The following GRIN2A variants were observed in gnomAD, a reference collection of about 807,000 sequenced individuals.
GRIN2A encodes the protein glutamate receptor ionotropic, NMDA 2A.
A neutral mutation model predicts 113.4 loss-of-function variants in GRIN2A; 22 were observed. The ratio of observed to expected loss-of-function variants is 0.19; its 90% CI spans 0.14 to 0.28. The LOEUF (loss-of-function observed/expected upper bound fraction) is 0.28. Among genes scored for constraint, GRIN2A ranks in the 10% least tolerant of loss-of-function variants. The probability of loss-of-function intolerance (pLI) is 1.00; values close to 1 mark genes in which losing one functional copy is unlikely to be tolerated. For synonymous variants in GRIN2A, 827 were observed against 738.4 expected, an observed-to-expected ratio of 1.12 and a Z score of -1.94; for missense variants, 1,502 against 1,887.0, an observed-to-expected ratio of 0.80 and a Z score of 3.78.
intron 10 of GRIN2A, among the ~76,000 whole-genome samples, chr16:9,809,790 G>A (rs1466101096): frequency 2.0e-5 from 3 of 152,180 alleles, no homozygotes; most frequent in Non-Finnish European, 2.9e-5. Context: ...TGCTGGGGCC[G>A]GGTGTGGTGG....
intron 3 of GRIN2A, among the ~76,000 whole-genome samples, chr16:9,894,653 C>T (rs993162629): frequency 4.6e-5 from 7 of 151,456 alleles, no homozygotes; most frequent in African/African-American, 1.7e-4. Flanking sequence ...TTCAAAGTAA[C>T]TAATTGAGCC....
chr16:9,992,201 A>G (rs1303099204), intron 2 of GRIN2A, among the ~76,000 whole-genome samples: 1 of 152,212 alleles, frequency 6.6e-6, no homozygotes, highest in South Asian at 2.1e-4. Flanking sequence ...TGATCCGTTC[A>G]TGGACACTTG....
intron 2 of GRIN2A, among the ~76,000 whole-genome samples, chr16:10,025,142 G>A (rs944181086): frequency 2.0e-5 from 3 of 151,940 alleles, no homozygotes; most frequent in African/African-American, 7.3e-5. Context: ...ATTGAAAGAG[G>A]TGGCAGAGAG....
At chr16:10,127,381 C>A (rs752242984) in intron 2 of GRIN2A, among the ~76,000 whole-genome samples, 1 of 152,178 alleles carries the variant, frequency 6.6e-6, no homozygotes, top group Admixed American at 6.5e-5. Context: ...CACTCAACCT[C>A]TGCATGTGAT....
intron 2 of GRIN2A, among the ~76,000 whole-genome samples, chr16:9,985,061 G>A (rs117383958): frequency 7.9e-5 from 12 of 152,090 alleles, no homozygotes; most frequent in East Asian, 7.7e-4. Context: ...CACACACCGA[G>A]TAACTTGATT....
intron 2 of GRIN2A, among the ~76,000 whole-genome samples, chr16:10,093,108 T>C (rs1189652843): frequency 6.6e-6 from 1 of 152,126 alleles, no homozygotes; most frequent in South Asian, 2.1e-4. Context: ...CAAAGTGCTC[T>C]GATTACAGGC....
At chr16:9,769,562 C>G (rs1351293500) in intron 11 of GRIN2A, among the ~76,000 whole-genome samples, 2 of 149,854 alleles carry the variant, frequency 1.3e-5, no homozygotes, top group Non-Finnish European at 3.0e-5. Context: ...AATAAAAGGG[C>G]AGAACGTGAC....
At chr16:9,787,253 C>A (rs1034309703) in intron 11 of GRIN2A, among the ~76,000 whole-genome samples, 2 of 152,144 alleles carry the variant, frequency 1.3e-5, no homozygotes, top group African/African-American at 4.8e-5. Context: ...AGGCTTCATG[C>A]ACATAAGAAC....
At chr16:10,020,348 T>C (rs2046696850) in intron 2 of GRIN2A, among the ~76,000 whole-genome samples, 1 of 152,206 alleles carries the variant, frequency 6.6e-6, no homozygotes, top group South Asian at 2.1e-4. Context: ...AGTTTCTTCA[T>C]CTGGAGAATG....
At chr16:9,878,082 A>G (rs2043407361) in intron 4 of GRIN2A, among the ~76,000 whole-genome samples, 1 of 152,092 alleles carries the variant, frequency 6.6e-6, no homozygotes, top group Non-Finnish European at 1.5e-5. Flanking sequence ...TTCATAATTG[A>G]TGGCAATGGA....
intron 2 of GRIN2A, among the ~76,000 whole-genome samples, chr16:9,954,308 A>G (rs1420306078): frequency 1.3e-5 from 2 of 152,176 alleles, no homozygotes; most frequent in Non-Finnish European, 2.9e-5. Context: ...TGTTCCCCAG[A>G]GAACAAAAAG....
At chr16:9,840,613 T>G in intron 7 of GRIN2A, 34 bp downstream of exon 7, 1 of 1,595,406 alleles carries the variant, frequency 6.3e-7, no homozygotes, top group Non-Finnish European at 8.6e-7. Flanking sequence ...CAATTCCTTA[T>G]AGGAAAGCAA....
chr16:10,069,274 G>A (rs1342056800), intron 2 of GRIN2A, among the ~76,000 whole-genome samples: 1 of 152,234 alleles, frequency 6.6e-6, no homozygotes, highest in Non-Finnish European at 1.5e-5. Context: ...ACATTTGAAG[G>A]AGAATAATTA....
chr16:9,790,015 G>T (rs887882939), intron 11 of GRIN2A, among the ~76,000 whole-genome samples: 2 of 152,216 alleles, frequency 1.3e-5, no homozygotes, highest in Admixed American at 6.5e-5. Context: ...CCATTAGCAT[G>T]CAGTCTTGCC....
At chr16:10,061,153 T>G (rs2047544960) in intron 2 of GRIN2A, among the ~76,000 whole-genome samples, 1 of 152,164 alleles carries the variant, frequency 6.6e-6, no homozygotes, top group African/African-American at 2.4e-5. Context: ...CTTATTCTTG[T>G]TTCCTGCTTT....
At chr16:9,993,767 C>T (rs933592560) in intron 2 of GRIN2A, among the ~76,000 whole-genome samples, 3 of 152,084 alleles carry the variant, frequency 2.0e-5, no homozygotes, top group Admixed American at 6.5e-5. Context: ...CTAAATCTGC[C>T]CCTAACTCCA....
chr16:9,798,523 G>A, intron 10 of GRIN2A, 59 bp from the exon 11 acceptor site: 1 of 1,311,886 alleles, frequency 7.6e-7, no homozygotes, highest in Non-Finnish European at 1.1e-6. Context: ...TCGGGGTCCA[G>A]CTCCTGAGGC....
At chr16:10,077,234 T>G (rs1341461926) in intron 2 of GRIN2A, among the ~76,000 whole-genome samples, 1 of 152,164 alleles carries the variant, frequency 6.6e-6, no homozygotes, top group Non-Finnish European at 1.5e-5. Flanking sequence ...GGGTGACCAG[T>G]AGGATTATAA....
chr16:9,991,507 T>C (rs2046111968), intron 2 of GRIN2A, among the ~76,000 whole-genome samples: 1 of 152,192 alleles, frequency 6.6e-6, no homozygotes, highest in Non-Finnish European at 1.5e-5. Flanking sequence ...CACTCAAAAG[T>C]GTCTATTGTA....
Sources: allele counts gnomAD v4.1 joint callset (sites outside exome capture counted in the v4.1 genomes callset), GRCh38; gene constraint gnomAD v4.1.1; transcripts MANE v1.5; gene names NCBI Gene and HGNC (gene_info 2026-07-23, HGNC 2026-07-21).